PIAS3: variants seen among roughly 807,000 people sequenced by gnomAD.
PIAS3 encodes protein inhibitor of activated STAT 3.
Under a neutral mutation model 67.6 loss-of-function variants are expected in PIAS3, and 34 were observed. That is an observed-to-expected ratio of 0.50 (90% CI 0.38 to 0.67). The LOEUF (loss-of-function observed/expected upper bound fraction) is 0.67, where lower values mean the gene tolerates loss of function less well. Among genes scored for constraint, PIAS3 ranks in the 30% least tolerant of loss-of-function variants. The pLI is 0.00. For missense variants in PIAS3, 693 were observed against 791.6 expected (o/e 0.88, Z 1.49); for synonymous variants, 341 against 313.8 (o/e 1.09, Z -0.92).
chr1:145,849,913 C>A, intron 13 of PIAS3: 1 of 1,437,476 alleles, frequency 7.0e-7, no homozygotes, highest in Non-Finnish European at 9.1e-7. Context: ...GCTCCTCCAA[C>A]TTGTTAGGTT....
rs1553735402 is a variant in PIAS3 at position 145,855,661 on chromosome 1, A to C, written c.669+75T>G. On this transcript the variant is annotated intron_variant, in intron 5 of 13. Coordinates refer to ENST00000393045, the MANE Select transcript of PIAS3 (RefSeq NM_006099.3). ...GCACTGTGCTAGGCATGTCTCTTTC[A>C]GAATAGGTTTGTAGTTAATATTTAT... 3 of 819,192 alleles carry C rather than the reference A, an allele frequency of 3.7e-6. No homozygotes were observed. The African/African-American group carries it at 5.1e-5, about 14-fold the overall frequency. The allele number at this position is 819,192 out of a possible 1,614,324, so 50.7% of individuals were successfully genotyped here. A position where few individuals can be genotyped will look rare whatever the true frequency, so the allele number is the denominator to read the frequency against.
At position 145,849,996 on chromosome 1, in the gene PIAS3, G is replaced by A. The variant is rs587600659; in HGVS notation, c.1620+236C>T. 2.8e-4 allele frequency: 401 copies of A among 1,436,070 alleles called. 6 individuals carry two copies. In the South Asian group the frequency reaches 5.6e-3, roughly 20 times the overall value. The allele number at this position is 1,436,070 out of a possible 1,614,324, so 89.0% of individuals were successfully genotyped here. A position where few individuals can be genotyped will look rare whatever the true frequency, so the allele number is the denominator to read the frequency against. On this transcript the variant is annotated intron_variant, in intron 13 of 13. Transcript: ENST00000393045. ...GGCATGGTGCTCTAAGTGCACACGG[G>A]GGTAGGGGTGAGTAGGCCAGGGCAG... is the stretch of plus-strand genomic sequence containing the variant.
chr1:145,855,724 G>A lies in PIAS3; in HGVS notation c.669+12C>T, dbSNP rs1553735410. 4 of 1,430,090 alleles carry A rather than the reference G, an allele frequency of 2.8e-6. No individual in the cohort carries two copies. The highest frequency in any genetic ancestry group is 3.9e-6 in the Non-Finnish European group (4 of 1,024,266). The allele number at this position is 1,430,090 out of a possible 1,614,324, so 88.6% of individuals were successfully genotyped here. On this transcript the variant is annotated intron_variant, in intron 5 of 13. Transcript: ENST00000393045. ...TAAGGGATTACTGACAGAAGAAGGG[G>A]AGAGCATTTACCGGCAGGGGGCACA... is the stretch of plus-strand genomic sequence containing the variant.
chr1:145,856,526 CTAAGAAATG>C (rs1559165243), intron 2 of PIAS3, 54 bp downstream of exon 2: 1 of 1,597,550 alleles, frequency 6.3e-7, no homozygotes, highest in African/African-American at 1.3e-5. Context: ...GGACTAAAGC[CTAAGAAATG>C]TTTGGGGAAC....
intron 9 of PIAS3, among the ~76,000 whole-genome samples, chr1:145,851,655 CAAAAAA>C (rs1188623126): frequency 7.2e-5 from 3 of 41,818 alleles, no homozygotes; most frequent in Non-Finnish European, 1.5e-4. Flanking sequence ...GGCTCTGCCT[CAAAAAA>C]AAAAAAAAAA....
chr1:145,852,418 T>C (rs964755193), intron 9 of PIAS3, among the ~76,000 whole-genome samples: 3 of 152,242 alleles, frequency 2.0e-5, no homozygotes, highest in Non-Finnish European at 2.9e-5. Context: ...GTAGTTGTTA[T>C]AGGTGATATA....
chr1:145,856,000 T>A (rs1487830557), intron 4 of PIAS3, 68 bp downstream of exon 4: 6 of 1,299,634 alleles, frequency 4.6e-6, no homozygotes, highest in Middle Eastern at 1.9e-4. Context: ...CGTAAGGGTA[T>A]CTGTCATACC....
rs1652928437 is a variant in PIAS3, at chr1:145,850,855, G to A, written c.1364C>T (p.Ser455Leu). ...AGGGGGCAGATCCTCCTCATCTGAT[G>A]AGCTTTCTATTGTCAAGTCAATAAC... ...VEVIDLTIES[S>L]SDEEDLPPTK... The change falls in exon 11 of 14, where the codon TCA (serine) becomes TTA (leucine). Residue 455 changes from serine to leucine, a missense_variant. Ser to Leu is a moderately radical substitution (Grantham distance 145). Around this residue, in one of 3 missense-constraint regions of PIAS3, gnomAD observed 270 missense variants for 261.0 expected, o/e 1.03. Transcript: ENST00000393045. The A allele has an allele frequency of 1.2e-6, 2 of 1,614,072 alleles. No individual in the cohort carries two copies. Among genetic ancestry groups the A allele is most frequent in the Admixed American group, 1.7e-5 (1 of 60,008 alleles).
chr1:145,851,171 T>C lies in PIAS3; in HGVS notation c.1146-18A>G. The C allele has an allele frequency of 6.2e-7, 1 of 1,612,428 alleles. No homozygotes were observed. The highest frequency in any genetic ancestry group is 8.5e-7 in the Non-Finnish European group (1 of 1,178,536). On this transcript the variant is annotated intron_variant, in intron 9 of 13. Transcript: ENST00000393045. ...TAAATAAACTGGGGGAAGAGAGAGA[T>C]GAAAATTCACGGGGCTGGGAGATGA...
chr1:145,849,750 C>A, intron 13 of PIAS3, 38 bp from the exon 14 acceptor site: 2 of 1,524,120 alleles, frequency 1.3e-6, no homozygotes, highest in Non-Finnish European at 1.8e-6. Context: ...GATCTCAATC[C>A]CGACTTCCCC....
intron 4 of PIAS3, 106 bp from the exon 5 acceptor site, chr1:145,855,932 C>T: frequency 1.9e-6 from 2 of 1,044,900 alleles, no homozygotes; most frequent in Non-Finnish European, 3.0e-6. Flanking sequence ...GCCTGAAGCC[C>T]TCAGCATCCA....
Position 145,854,798 on chromosome 1 carries a change from G to GA in PIAS3, c.751dup (p.Ser251PhefsTer15). ...CACAATGGTGTTGGGAACAGTGGCTGAGAGTCGAGCCAGGGGTGTGATGTT... is the reference window on the plus strand; with the variant it reads ...CACAATGGTGTTGGGAACAGTGGCTGAAGAGTCGAGCCAGGGGTGTGATGTT... On this transcript the variant is annotated frameshift_variant, in exon 6 of 14. Transcript: ENST00000393045. LOFTEE classifies it high-confidence loss of function. 1 of 1,614,192 alleles carries GA rather than the reference G, an allele frequency of 6.2e-7. No individual in the cohort carries two copies.
chr1:145,851,245 T>G (rs1553734295), intron 9 of PIAS3, 92 bp from the exon 10 acceptor site: 2 of 1,289,584 alleles, frequency 1.6e-6, no homozygotes, highest in African/African-American at 1.5e-5. Flanking sequence ...TATCTCAGTT[T>G]CCTCATCTGT....
chr1:145,854,184 C>T (rs1167061907), intron 7 of PIAS3: 1 of 593,954 alleles, frequency 1.7e-6, no homozygotes, highest in Non-Finnish European at 3.0e-6. Context: ...AAGATTCTTT[C>T]CAGTCCGGAG....
At chr1:145,852,943 C>A (rs2101680883) in intron 9 of PIAS3, among the ~76,000 whole-genome samples, 1 of 152,014 alleles carries the variant, frequency 6.6e-6, no homozygotes, top group Admixed American at 6.6e-5. Context: ...CAGCAAGATG[C>A]CTTGTATATA....
intron 9 of PIAS3, 54 bp downstream of exon 9, chr1:145,853,450 A>C: frequency 7.6e-7 from 1 of 1,324,236 alleles, no homozygotes; most frequent in South Asian, 1.5e-5. Context: ...AGAAATAACC[A>C]AGAAAAGAGG....
At chr1:145,857,164 T>C (rs1384177669) in intron 1 of PIAS3, among the ~76,000 whole-genome samples, 158 bp from the exon 2 acceptor site, 1 of 152,172 alleles carries the variant, frequency 6.6e-6, no homozygotes, top group Non-Finnish European at 1.5e-5. Context: ...GTAGTCGACC[T>C]ATCCAAAGGG....
At chr1:145,852,448 T>C (rs1317237461) in intron 9 of PIAS3, among the ~76,000 whole-genome samples, 1 of 152,224 alleles carries the variant, frequency 6.6e-6, no homozygotes, top group Non-Finnish European at 1.5e-5. Flanking sequence ...TTCAGTACAC[T>C]GGCTCTGCCA....
At chr1:145,854,609 C>T (rs782010811) in intron 6 of PIAS3, 46 bp from the exon 7 acceptor site, 20 of 1,565,312 alleles carry the variant, frequency 1.3e-5, no homozygotes, top group South Asian at 8.9e-5. Flanking sequence ...CTTCTCATAC[C>T]ACCACTGCCC....
Sources: gnomAD v4.1 joint callset for allele counts (sites outside exome capture counted in the v4.1 genomes callset) on GRCh38, gnomAD v4.1.1 for gene constraint, gnomAD v4.1.1 regional missense constraint, MANE v1.5 for transcripts, NCBI Gene and HGNC (gene_info 2026-07-23, HGNC 2026-07-21) for gene names.